UVRAG: variants seen among roughly 807,000 people sequenced by gnomAD.
UVRAG encodes UV radiation resistance associated.
UVRAG carries 19 observed loss-of-function variants against 78.0 expected under a neutral mutation model. That is an observed-to-expected ratio of 0.24 (90% CI 0.17 to 0.36). The LOEUF (loss-of-function observed/expected upper bound fraction) is 0.36. UVRAG is among the 10% of genes least tolerant of loss of function. UVRAG has a pLI of 1.00. For missense variants in UVRAG, 740 were observed against 853.8 expected, an observed-to-expected ratio of 0.87 and a Z score of 1.66; for synonymous variants, 323 against 324.6, an observed-to-expected ratio of 1.00 and a Z score of 0.05.
chr11:75,844,656 G>T (rs191063904), intron 1 of UVRAG, among the ~76,000 whole-genome samples: 1 of 150,900 alleles, frequency 6.6e-6, no homozygotes, highest in African/African-American at 2.4e-5. Context: ...TTTTACTAAA[G>T]CAGATGTTTC....
intron 13 of UVRAG, among the ~76,000 whole-genome samples, chr11:76,072,293 T>G (rs540874332): frequency 4.6e-5 from 7 of 152,332 alleles, no homozygotes; most frequent in Non-Finnish European, 7.4e-5. Context: ...GAAGAAGTCA[T>G]CAGTATGTCC....
At chr11:75,986,767 C>A (rs1949508717) in intron 8 of UVRAG, among the ~76,000 whole-genome samples, 1 of 151,990 alleles carries the variant, frequency 6.6e-6, no homozygotes, top group South Asian at 2.1e-4. Context: ...TTCCACACTT[C>A]CCCTCCCCCA....
At chr11:75,938,207 G>T (rs1948415879) in intron 6 of UVRAG, among the ~76,000 whole-genome samples, 1 of 151,332 alleles carries the variant, frequency 6.6e-6, no homozygotes, top group Non-Finnish European at 1.5e-5. Context: ...GTTCAATTTG[G>T]GTTTTTCAAA....
At chr11:75,977,888 A>C (rs924874902) in intron 7 of UVRAG, among the ~76,000 whole-genome samples, 3 of 152,120 alleles carry the variant, frequency 2.0e-5, no homozygotes, top group Non-Finnish European at 2.9e-5. Flanking sequence ...TAATATTGTT[A>C]CGTGTGAATT....
chr11:75,989,863 A>G (rs1485557546), intron 8 of UVRAG, among the ~76,000 whole-genome samples: 1 of 152,218 alleles, frequency 6.6e-6, no homozygotes, highest in Non-Finnish European at 1.5e-5. Flanking sequence ...TGAGGCCCTC[A>G]GTGAGTATTA....
At chr11:76,098,788 C>T (rs1951829711) in intron 13 of UVRAG, among the ~76,000 whole-genome samples, 1 of 151,810 alleles carries the variant, frequency 6.6e-6, no homozygotes, top group Non-Finnish European at 1.5e-5. Flanking sequence ...TTTTTCGTAC[C>T]CCCAACACAG....
chr11:75,966,552 G>A (rs1192457306), intron 7 of UVRAG, among the ~76,000 whole-genome samples: 4 of 152,124 alleles, frequency 2.6e-5, no homozygotes, highest in African/African-American at 9.7e-5. Context: ...ATGTATGAGT[G>A]GCTTTAAAGT....
At chr11:75,939,345 A>G (rs553793515) in intron 6 of UVRAG, among the ~76,000 whole-genome samples, 1 of 152,270 alleles carries the variant, frequency 6.6e-6, no homozygotes, top group African/African-American at 2.4e-5. Context: ...GAAGCTGACT[A>G]TGGGCCAGGC....
chr11:76,017,052 A>G (rs1950161264), intron 12 of UVRAG, 72 bp downstream of exon 12: 2 of 1,128,320 alleles, frequency 1.8e-6, no homozygotes, highest in Non-Finnish European at 1.2e-6. Flanking sequence ...AACAAAATAC[A>G]TAAAATGTAA....
intron 13 of UVRAG, among the ~76,000 whole-genome samples, chr11:76,097,611 GTCTT>G (rs774687527): frequency 1.3e-5 from 2 of 151,992 alleles, no homozygotes; most frequent in Admixed American, 6.6e-5. Context: ...ATTTTTAAAT[GTCTT>G]TCTATTATAT....
At chr11:76,119,545 A>G (rs1952239688) in intron 14 of UVRAG, among the ~76,000 whole-genome samples, 1 of 151,986 alleles carries the variant, frequency 6.6e-6, no homozygotes, top group Non-Finnish European at 1.5e-5. Context: ...CCCTCCTTCC[A>G]CCAGCATAAT....
At chr11:75,981,567 C>T (rs1476192077) in intron 7 of UVRAG, among the ~76,000 whole-genome samples, 3 of 152,130 alleles carry the variant, frequency 2.0e-5, no homozygotes, top group African/African-American at 7.2e-5. Flanking sequence ...CCTCCTGCCT[C>T]AGCCACTGAG....
chr11:76,007,541 T>G lies in UVRAG; in HGVS notation c.919T>G (p.Phe307Val), dbSNP rs757594162. Residue 307 changes from phenylalanine to valine, a missense_variant, in exon 10 of 15, where the codon TTC (phenylalanine) becomes GTC (valine). Phe to Val is a conservative substitution (Grantham distance 50). Coordinates refer to ENST00000356136, the MANE Select transcript of UVRAG (RefSeq NM_003369.4). ...TTTTTCTTTCCTCATTAGAGAACTC[T>G]TCTTGAAGACTAATGCTCAGTTGAC... Reference protein sequence around the residue: ...RKECTAKRELFLKTNAQLTIR... With the variant: ...RKECTAKRELVLKTNAQLTIR... 2 of 1,612,890 alleles carry G rather than the reference T, an allele frequency of 1.2e-6. No homozygotes were observed. Among genetic ancestry groups the G allele is most frequent in the African/African-American group, 2.7e-5 (2 of 74,906 alleles).
At chr11:75,921,311 A>G (rs572625945) in intron 6 of UVRAG, among the ~76,000 whole-genome samples, 18 of 152,330 alleles carry the variant, frequency 1.2e-4, no homozygotes, top group African/African-American at 1.9e-4. Context: ...TGGTGCAAGT[A>G]CTTAGTTTGA....
chr11:76,039,338 A>G (rs1487157214), intron 12 of UVRAG, among the ~76,000 whole-genome samples: 3 of 152,248 alleles, frequency 2.0e-5, no homozygotes, highest in African/African-American at 7.2e-5. Flanking sequence ...TTAAAATGCC[A>G]AAAGATGATT....
chr11:76,045,995 A>G (rs1950746999), intron 12 of UVRAG, among the ~76,000 whole-genome samples: 1 of 152,172 alleles, frequency 6.6e-6, no homozygotes, highest in African/African-American at 2.4e-5. Context: ...AGGTAAAGTG[A>G]AGATTCTAAA....
chr11:76,135,082 A>G (rs981186859), intron 14 of UVRAG, among the ~76,000 whole-genome samples: 4 of 152,172 alleles, frequency 2.6e-5, no homozygotes, highest in Non-Finnish European at 5.9e-5. Flanking sequence ...ACGCCTGATG[A>G]TCTGAGGTGG....
At chr11:75,891,347 T>G (rs1947210021) in intron 5 of UVRAG, among the ~76,000 whole-genome samples, 1 of 152,202 alleles carries the variant, frequency 6.6e-6, no homozygotes, top group African/African-American at 2.4e-5. Flanking sequence ...GTTCATAATA[T>G]CTCATGTACA....
At chr11:75,978,278 T>C (rs551022231) in intron 7 of UVRAG, among the ~76,000 whole-genome samples, 1 of 152,304 alleles carries the variant, frequency 6.6e-6, no homozygotes, top group South Asian at 2.1e-4. Context: ...TAACCTGACC[T>C]TTCTCTCTGG....
Sources: allele counts gnomAD v4.1 joint callset (sites outside exome capture counted in the v4.1 genomes callset), GRCh38; gene constraint gnomAD v4.1.1; transcripts MANE v1.5; gene names NCBI Gene and HGNC (gene_info 2026-07-23, HGNC 2026-07-21).